The following XRRA1 variants were observed in gnomAD, a reference collection of about 807,000 sequenced individuals.
The protein encoded by XRRA1 is X-ray radiation resistance-associated protein 1.
Under a neutral mutation model 80.2 loss-of-function variants are expected in XRRA1, and 69 were observed. That is an observed-to-expected ratio of 0.86 (90% CI 0.71 to 1.05). The LOEUF is 1.05. Ranked by LOEUF, XRRA1 falls within the 50% of genes least tolerant of loss-of-function variation. The pLI is 0.00. For missense variants in XRRA1, 967 were observed against 976.4 expected (o/e 0.99, Z 0.13); for synonymous variants, 348 against 389.9 (o/e 0.89, Z 1.27).
At chr11:74,937,169 G>T in intron 3 of XRRA1, 101 bp from the exon 4 acceptor site, 1 of 1,232,740 alleles carries the variant, frequency 8.1e-7, no homozygotes, top group African/African-American at 1.5e-5. Context: ...AATAGCTCCT[G>T]ATTATCTAAC....
intron 10 of XRRA1, among the ~76,000 whole-genome samples, chr11:74,893,158 AAT>A (rs2051247667): frequency 6.6e-6 from 1 of 152,198 alleles, no homozygotes. Flanking sequence ...AACCAACCCA[AAT>A]GTCCAACAAT....
chr11:74,931,760 T>C (rs529606435), intron 5 of XRRA1: 3 of 152,322 alleles, frequency 2.0e-5, no homozygotes, highest in South Asian at 4.1e-4. Context: ...ACACCTCCTA[T>C]TCATAAGAGT....
chr11:74,889,538 A>G (rs954684412), intron 10 of XRRA1, among the ~76,000 whole-genome samples: 1 of 152,240 alleles, frequency 6.6e-6, no homozygotes, highest in African/African-American at 2.4e-5. Flanking sequence ...GACAGGATCA[A>G]ATTCACACAT....
At chr11:74,935,728 T>A (rs1944808882) in intron 4 of XRRA1, among the ~76,000 whole-genome samples, 2 of 152,160 alleles carry the variant, frequency 1.3e-5, no homozygotes, top group Non-Finnish European at 2.9e-5. Flanking sequence ...GTAATTCAAC[T>A]GTCAATGAAA....
chr11:74,842,944 A>G lies in XRRA1; in HGVS notation c.*256T>C. 2.3e-6 allele frequency: 1 copy of G among 436,482 alleles called. No homozygotes were observed. Among genetic ancestry groups the G allele is most frequent in the Non-Finnish European group, 4.1e-6 (1 of 246,772 alleles). The allele number at this position is 436,482 out of a possible 1,614,324, so 27.0% of individuals were successfully genotyped here. A position where few individuals can be genotyped will look rare whatever the true frequency, so the allele number is the denominator to read the frequency against. On this transcript the variant is annotated 3_prime_UTR_variant, in exon 19 of 19. Transcript: ENST00000684022. ...GCTGCTGTGGCCTGGGTTCCAAGAA[A>G]GAATGCATGTGGCACCCAGTCTATT...
chr11:74,893,910 G>A (rs1418298116), intron 10 of XRRA1, among the ~76,000 whole-genome samples: 1 of 152,150 alleles, frequency 6.6e-6, no homozygotes, highest in Non-Finnish European at 1.5e-5. Flanking sequence ...ATACCCAAAG[G>A]GATATAAATC....
At chr11:74,859,066 T>A (rs1485196105) in intron 12 of XRRA1, 92 bp downstream of exon 12, 2 of 1,431,060 alleles carry the variant, frequency 1.4e-6, no homozygotes, top group East Asian at 5.4e-5. Context: ...ATGCAGGGAA[T>A]TGAATGGAGG....
intron 7 of XRRA1, among the ~76,000 whole-genome samples, chr11:74,923,174 A>C (rs1941338958): frequency 6.6e-6 from 1 of 152,204 alleles, no homozygotes; most frequent in African/African-American, 2.4e-5. Flanking sequence ...TGTTAAGGGC[A>C]AAGAGACATT....
At chr11:74,923,030 G>C (rs1448470603) in intron 7 of XRRA1, among the ~76,000 whole-genome samples, 1 of 152,148 alleles carries the variant, frequency 6.6e-6, no homozygotes, top group African/African-American at 2.4e-5. Context: ...AATGCTGCTG[G>C]GATAGATGTC....
chr11:74,858,209 A>G (rs2135807924), intron 12 of XRRA1, among the ~76,000 whole-genome samples: 1 of 152,328 alleles, frequency 6.6e-6, no homozygotes, highest in African/African-American at 2.4e-5. Flanking sequence ...TGGATCAATA[A>G]AAGACATAAA....
chr11:74,925,814 G>A (rs1489355377), intron 7 of XRRA1, among the ~76,000 whole-genome samples: 1 of 152,128 alleles, frequency 6.6e-6, no homozygotes, highest in Non-Finnish European at 1.5e-5. Context: ...GGTTTGAAAT[G>A]GTAGGGGAAG....
At position 74,940,779 on chromosome 11, in the gene XRRA1, C is replaced by T. The variant is rs756506144; in HGVS notation, c.94+6G>A. ...GAAAAGGTAGCTATTTGAGAAGTCA[C>T]CTGACCTTCCTCCGGCACGCGAAGC... On this transcript the variant is annotated splice_donor_region_variant and intron_variant, in intron 3 of 18. Coordinates refer to ENST00000684022, the MANE Select transcript of XRRA1 (RefSeq NM_001378157.1). The T allele has an allele frequency of 6.9e-6, 11 of 1,598,306 alleles. No homozygotes were observed. In the African/African-American group the frequency reaches 1.2e-4, roughly 18 times the overall value.
intron 8 of XRRA1, among the ~76,000 whole-genome samples, chr11:74,907,605 G>C (rs1393432986): frequency 1.3e-5 from 2 of 152,192 alleles, no homozygotes; most frequent in Non-Finnish European, 2.9e-5. Context: ...GCTGGAGGGA[G>C]CATTCTGCAG....
At chr11:74,859,378 A>G in intron 11 of XRRA1, 95 bp from the exon 12 acceptor site, 1 of 1,384,044 alleles carries the variant, frequency 7.2e-7, no homozygotes, top group Non-Finnish European at 9.7e-7. Flanking sequence ...GGTGGAATGA[A>G]TGACCTTCCT....
intron 10 of XRRA1, among the ~76,000 whole-genome samples, chr11:74,891,758 T>C (rs947103146): frequency 7.2e-5 from 11 of 151,960 alleles, no homozygotes; most frequent in Admixed American, 2.0e-4. Flanking sequence ...TATACACCAA[T>C]AACAGACAAA....
chr11:74,883,507 T>C (rs1271391364), intron 10 of XRRA1, among the ~76,000 whole-genome samples: 1 of 151,834 alleles, frequency 6.6e-6, no homozygotes, highest in East Asian at 1.9e-4. Flanking sequence ...AGACCGGAGC[T>C]GTTCCTATTC....
chr11:74,855,325 T>C (rs2040834640), intron 12 of XRRA1, among the ~76,000 whole-genome samples: 1 of 152,224 alleles, frequency 6.6e-6, no homozygotes, highest in South Asian at 2.1e-4. Context: ...CAGAATTTAA[T>C]CTTGTCAGGA....
intron 15 of XRRA1, among the ~76,000 whole-genome samples, chr11:74,847,903 A>C (rs2038719929): frequency 6.6e-6 from 1 of 152,118 alleles, no homozygotes; most frequent in Admixed American, 6.5e-5. Flanking sequence ...ACTTATCCCC[A>C]TGGGTGTCCC....
Position 74,859,178 on chromosome 11 carries a change from G to C in XRRA1, c.1150C>G (p.Leu384Val), listed in dbSNP as rs769976398. Reference sequence around the variant, plus strand: ...GTCACCTTGTTGTAGGCCAGGCTAAGGTATCTCAGCTCTGGGAAGGGTGGG... The same window carrying C: ...GTCACCTTGTTGTAGGCCAGGCTAACGTATCTCAGCTCTGGGAAGGGTGGG... Reference protein sequence around the residue: ...LAPPFPELRYLSLAYNKIAKE... With the variant: ...LAPPFPELRYVSLAYNKIAKE... The change falls in exon 12 of 19, where the codon CTT becomes GTT. Residue 384 changes from leucine (L) to valine (V), a missense_variant. Coordinates refer to ENST00000684022, the MANE Select transcript of XRRA1 (RefSeq NM_001378157.1). The C allele has an allele frequency of 1.2e-6, 2 of 1,607,564 alleles. No homozygotes were observed. Among genetic ancestry groups the C allele is most frequent in the African/African-American group, 1.3e-5 (1 of 74,630 alleles).
Sources: gnomAD v4.1 joint callset for allele counts (sites outside exome capture counted in the v4.1 genomes callset) on GRCh38, gnomAD v4.1.1 for gene constraint, MANE v1.5 for transcripts, NCBI Gene and HGNC (gene_info 2026-07-23, HGNC 2026-07-21) for gene names.